CYB5R4: variants seen among roughly 807,000 people sequenced by gnomAD.
CYB5R4 encodes the protein N-terminal cytochrome b5 and cytochrome b5 oxidoreductase domain-containing protein.
In CYB5R4, 55 loss-of-function variants were observed where a neutral mutation model predicts 70.2. The ratio of observed to expected loss-of-function variants is 0.78; its 90% CI spans 0.63 to 0.98. The LOEUF (loss-of-function observed/expected upper bound fraction) is 0.98, where lower values mean the gene tolerates loss of function less well. Ranked by LOEUF, CYB5R4 falls within the 50% of genes least tolerant of loss-of-function variation. The pLI, the probability that CYB5R4 is intolerant of heterozygous loss-of-function variation, is 0.00. For missense variants in CYB5R4, 562 were observed against 612.6 expected (o/e 0.92, Z 0.87); for synonymous variants, 197 against 199.5 (o/e 0.99, Z 0.11).
chr6:83,891,714 G>A (rs774554960), intron 2 of CYB5R4, among the ~76,000 whole-genome samples: 2 of 152,124 alleles, frequency 1.3e-5, no homozygotes, highest in African/African-American at 4.8e-5. Context: ...TCACGTCCAC[G>A]GAGTGATCCT....
chr6:83,874,760 G>C (rs975417577), intron 2 of CYB5R4, among the ~76,000 whole-genome samples: 5 of 151,440 alleles, frequency 3.3e-5, no homozygotes, highest in African/African-American at 1.2e-4. Flanking sequence ...TAGGACTTCT[G>C]TTAGAACATC....
chr6:83,931,803 A>ATAT (rs1554421166), intron 10 of CYB5R4, among the ~76,000 whole-genome samples: 5 of 116,780 alleles, frequency 4.3e-5, no homozygotes, highest in African/African-American at 1.4e-4. Context: ...ATATATATAT[A>ATAT]TTTTTTTTTT....
intron 5 of CYB5R4, among the ~76,000 whole-genome samples, chr6:83,914,786 C>T (rs1396465068): frequency 1.3e-5 from 2 of 151,646 alleles, no homozygotes; most frequent in Admixed American, 6.6e-5. Flanking sequence ...CTGCCCACCT[C>T]GGCCTCCCAG....
chr6:83,870,052 T>C (rs1031823449), intron 2 of CYB5R4, among the ~76,000 whole-genome samples: 1 of 152,206 alleles, frequency 6.6e-6, no homozygotes, highest in African/African-American at 2.4e-5. Flanking sequence ...TCAATGTTCA[T>C]GAATCAACAA....
chr6:83,944,327 G>A (rs1264474763), intron 14 of CYB5R4, among the ~76,000 whole-genome samples: 1 of 152,134 alleles, frequency 6.6e-6, no homozygotes, highest in African/African-American at 2.4e-5. Flanking sequence ...TTCATATCCA[G>A]CCAAATTAAG....
chr6:83,954,815 C>T (rs1028300169), intron 14 of CYB5R4, among the ~76,000 whole-genome samples: 1 of 151,928 alleles, frequency 6.6e-6, no homozygotes, highest in African/African-American at 2.4e-5. Context: ...CTGGATCAAA[C>T]GATCCTCCTG....
intron 2 of CYB5R4, among the ~76,000 whole-genome samples, chr6:83,876,154 C>T (rs2099458515): frequency 6.6e-6 from 1 of 152,176 alleles, no homozygotes; most frequent in African/African-American, 2.4e-5. Context: ...GGACAGTTCT[C>T]TAATATAGAT....
chr6:83,864,418 C>A, intron 2 of CYB5R4, 90 bp downstream of exon 2: 1 of 1,189,090 alleles, frequency 8.4e-7, no homozygotes, highest in Non-Finnish European at 1.2e-6. Flanking sequence ...TTATTTTAAA[C>A]AATTGACAAT....
Position 83,893,546 on chromosome 6 carries a change from A to T in CYB5R4, c.254A>T (p.Tyr85Phe). ...IRGFVYNVSPYMEYHPGGEDE... is the reference protein window; with the variant it reads ...IRGFVYNVSPFMEYHPGGEDE... ...GGTTTCGTTTATAATGTCAGCCCTT[A>T]TATGGAGTATCATCCTGGTGGAGAA... is the stretch of plus-strand genomic sequence containing the variant. The change falls in exon 3 of 16, where the codon TAT becomes TTT. Residue 85 changes from tyrosine to phenylalanine, a missense_variant. Tyr to Phe is a conservative substitution (Grantham distance 22, BLOSUM62 3). Coordinates refer to ENST00000369681, the MANE Select transcript of CYB5R4 (RefSeq NM_016230.4). The T allele has an allele frequency of 6.2e-7, 1 of 1,612,108 alleles. No homozygotes were observed. Among genetic ancestry groups the T allele is most frequent in the African/African-American group, 1.3e-5 (1 of 74,992 alleles).
chr6:83,898,142 A>G (rs1054716506), intron 3 of CYB5R4, among the ~76,000 whole-genome samples: 2 of 152,184 alleles, frequency 1.3e-5, no homozygotes, highest in Non-Finnish European at 2.9e-5. Context: ...ATTTTTGTGT[A>G]AGATGTAAGG....
At position 83,893,452 on chromosome 6, in the gene CYB5R4, CTTATAT is replaced by C. The variant is rs937387103; in HGVS notation, c.230-64_230-59del. On this transcript the variant is annotated intron_variant, in intron 2 of 15. Transcript: ENST00000369681. ...ATGTATTTGGAAAGATTTATTGAAA[CTTATAT>C]TTATAAGTTTTACAATTTTTGAGAA... 327 of 878,522 alleles carry C rather than the reference CTTATAT, an allele frequency of 3.7e-4. 1 individual carries two copies. The African/African-American group carries it at 3.9e-3, about 10-fold the overall frequency. 54.4% of individuals were successfully genotyped at this position (878,522 alleles called of 1,614,324 possible).
intron 4 of CYB5R4, among the ~76,000 whole-genome samples, chr6:83,909,497 A>G (rs979161931): frequency 1.3e-5 from 2 of 152,178 alleles, no homozygotes; most frequent in African/African-American, 4.8e-5. Flanking sequence ...GATAACCCCT[A>G]TTCTTACTTT....
At chr6:83,906,327 CTGGGT>C (rs1159907153) in intron 3 of CYB5R4, among the ~76,000 whole-genome samples, 1 of 152,156 alleles carries the variant, frequency 6.6e-6, no homozygotes, top group East Asian at 1.9e-4. Flanking sequence ...CTGGGTTCTG[CTGGGT>C]TCTAGTACAG....
At chr6:83,947,237 C>G (rs1381641064) in intron 14 of CYB5R4, among the ~76,000 whole-genome samples, 1 of 152,000 alleles carries the variant, frequency 6.6e-6, no homozygotes, top group Non-Finnish European at 1.5e-5. Flanking sequence ...GAATACAGGT[C>G]TCAGAAATAA....
At chr6:83,923,531 T>A (rs952567560) in intron 9 of CYB5R4, among the ~76,000 whole-genome samples, 1 of 152,194 alleles carries the variant, frequency 6.6e-6, no homozygotes, top group African/African-American at 2.4e-5. Flanking sequence ...GAAGAAAAAT[T>A]AAATATGCTT....
At chr6:83,878,207 T>C (rs2099458873) in intron 2 of CYB5R4, among the ~76,000 whole-genome samples, 1 of 152,206 alleles carries the variant, frequency 6.6e-6, no homozygotes, top group South Asian at 2.1e-4. Flanking sequence ...ATCTGTTAGA[T>C]GTCATCCACA....
chr6:83,884,939 A>C (rs556102967), intron 2 of CYB5R4, among the ~76,000 whole-genome samples: 1 of 152,324 alleles, frequency 6.6e-6, no homozygotes, highest in South Asian at 2.1e-4. Flanking sequence ...TCACGGAAAT[A>C]ACGCTTTTAC....
chr6:83,960,094 A>T lies in CYB5R4; in HGVS notation c.*216A>T. 1 of 388,136 alleles carries T rather than the reference A, an allele frequency of 2.6e-6. No homozygotes were observed. Among genetic ancestry groups the T allele is most frequent in the Non-Finnish European group, 4.6e-6 (1 of 219,090 alleles). The allele number at this position is 388,136 out of a possible 1,614,324, so 24.0% of individuals were successfully genotyped here. On this transcript the variant is annotated 3_prime_UTR_variant, in exon 16 of 16. Transcript: ENST00000369681. The stretch of plus-strand genomic sequence containing the variant: ...CTACTGATATTTGACCTGGAAAGTT[A>T]ATCATGGCAACAAATACATACAGGA...
Position 83,940,140 on chromosome 6 carries a change from C to T in CYB5R4, c.1193C>T (p.Ala398Val). The change falls in exon 13 of 16, where the codon GCT (alanine) becomes GTT (valine). Residue 398 changes from alanine to valine, a missense_variant. Transcript: ENST00000369681. ...QELEDLFLLA[A>V]GTGFTPMVKI... is the part of the protein sequence containing the mutation. Reference sequence around the variant, plus strand: ...TTAGAAGATCTCTTTTTGTTGGCAGCTGGAACAGGCTTCACACCAATGGTT... The same window carrying T: ...TTAGAAGATCTCTTTTTGTTGGCAGTTGGAACAGGCTTCACACCAATGGTT... 1.2e-6 allele frequency: 2 copies of T among 1,611,826 alleles called. No individual in the cohort carries two copies. Among genetic ancestry groups the T allele is most frequent in the East Asian group, 2.2e-5 (1 of 44,782 alleles).
Sources: gnomAD v4.1 joint callset for allele counts (sites outside exome capture counted in the v4.1 genomes callset) on GRCh38, gnomAD v4.1.1 for gene constraint, MANE v1.5 for transcripts, NCBI Gene and HGNC (gene_info 2026-07-23, HGNC 2026-07-21) for gene names.